Variants in CUL2 observed in about 807,000 individuals in gnomAD.
The protein encoded by CUL2 is cullin-2.
CUL2 carries 22 observed loss-of-function variants against 110.2 expected under a neutral mutation model. That is an observed-to-expected ratio of 0.20 (90% confidence interval 0.14 to 0.28). The LOEUF is 0.28. CUL2 is among the 10% of genes least tolerant of loss of function. The pLI is 1.00. For synonymous variants in CUL2, 279 were observed against 293.2 expected (o/e 0.95, Z 0.49); for missense variants, 631 against 905.5 (o/e 0.70, Z 3.89).
At chr10:35,023,569 A>G (rs1488077550) in intron 17 of CUL2, among the ~76,000 whole-genome samples, 2 of 151,750 alleles carry the variant, frequency 1.3e-5, no homozygotes, top group Non-Finnish European at 2.9e-5. Flanking sequence ...ATGTGCATAA[A>G]TTTATTTTCT....
At chr10:35,125,928 C>T (rs1398006987) in intron 1 of CUL2, among the ~76,000 whole-genome samples, 1 of 152,184 alleles carries the variant, frequency 6.6e-6, no homozygotes, top group Non-Finnish European at 1.5e-5. Flanking sequence ...CTCCCAGGTT[C>T]AAGCGATTCT....
intron 1 of CUL2, among the ~76,000 whole-genome samples, chr10:35,084,355 C>T (rs2087011595): frequency 6.6e-6 from 1 of 152,120 alleles, no homozygotes; most frequent in African/African-American, 2.4e-5. Flanking sequence ...AGGAAATATT[C>T]CACCTCTCCT....
chr10:35,087,151 A>AG (rs1378952895), intron 1 of CUL2, among the ~76,000 whole-genome samples: 1 of 152,226 alleles, frequency 6.6e-6, no homozygotes, highest in Non-Finnish European at 1.5e-5. Flanking sequence ...TGCCACTTCC[A>AG]ACCTGGTCAT....
chr10:35,037,856 A>G (rs2085663056), intron 9 of CUL2, among the ~76,000 whole-genome samples: 3 of 151,976 alleles, frequency 2.0e-5, no homozygotes, highest in Admixed American at 1.3e-4. Flanking sequence ...AAACAAAAAC[A>G]AAAAGCCTGA....
intron 6 of CUL2, among the ~76,000 whole-genome samples, chr10:35,046,914 AAAC>A (rs1484005898): frequency 6.6e-6 from 1 of 151,928 alleles, no homozygotes; most frequent in Non-Finnish European, 1.5e-5. Context: ...AAACAAAACA[AAAC>A]AAAACAAAAC....
In CUL2 at chr10:35,029,606, T is replaced by A. The variant is rs762137468; in HGVS notation, c.1421A>T (p.His474Leu). The change falls in exon 15 of 21, where the codon CAT (histidine) becomes CTT (leucine). Residue 474 changes from histidine to leucine, a missense_variant. His to Leu is a moderately conservative substitution (Grantham distance 99). Transcript: ENST00000374749. ...ACGYEFTSKL[H>L]RMYTDMSVSA... ...GACACTCATATCTGTATACATCCGA[T>A]GTAGCTTGCTGGTAAACTCATAACC... 1 of 1,592,114 alleles carries A rather than the reference T, an allele frequency of 6.3e-7. No individual in the cohort carries two copies. Among genetic ancestry groups the A allele is most frequent in the Non-Finnish European group, 8.5e-7 (1 of 1,173,796 alleles).
intron 4 of CUL2, 74 bp downstream of exon 4, chr10:35,060,800 A>T: frequency 4.2e-6 from 5 of 1,193,678 alleles, no homozygotes; most frequent in Non-Finnish European, 6.0e-6. Flanking sequence ...AATAGGCAAT[A>T]AAAAAATTAT....
chr10:35,115,922 T>C (rs942145192), intron 1 of CUL2, among the ~76,000 whole-genome samples: 3 of 151,740 alleles, frequency 2.0e-5, no homozygotes, highest in Admixed American at 2.0e-4. Context: ...TAAATAAATG[T>C]TGATTCTTTG....
intron 2 of CUL2, among the ~76,000 whole-genome samples, chr10:35,066,665 ACAAGGATAAAAAATGAC>A (rs1249810753): frequency 6.6e-6 from 1 of 152,272 alleles, no homozygotes; most frequent in Non-Finnish European, 1.5e-5. Context: ...GCATTAGCAA[ACAAGGATAAAAAATGAC>A]TAATTAAATC....
intron 1 of CUL2, chr10:35,101,069 G>A (rs1351467067): frequency 3.9e-5 from 6 of 152,186 alleles, no homozygotes; most frequent in African/African-American, 9.7e-5. Context: ...TCCTAGGAGT[G>A]AGAAAAGGGA....
intron 2 of CUL2, 92 bp downstream of exon 2, chr10:35,071,107 G>A: frequency 3.2e-6 from 4 of 1,248,472 alleles, no homozygotes; most frequent in Non-Finnish European, 3.4e-6. Context: ...ATAGTTACAT[G>A]GGAAAGTTCT....
intron 8 of CUL2, among the ~76,000 whole-genome samples, chr10:35,041,805 GCAATT>G (rs2085797233): frequency 6.6e-6 from 1 of 152,158 alleles, no homozygotes; most frequent in South Asian, 2.1e-4. Flanking sequence ...CCAAAGTGCT[GCAATT>G]ACAGGTCTGA....
chr10:35,045,630 G>A (rs1228315270), intron 6 of CUL2, among the ~76,000 whole-genome samples: 1 of 151,736 alleles, frequency 6.6e-6, no homozygotes, highest in Non-Finnish European at 1.5e-5. Context: ...TGGGAGGATC[G>A]TTTGAGCCCA....
At chr10:35,053,714 GGATTACACTACCTTA>G (rs2086172124) in intron 5 of CUL2, among the ~76,000 whole-genome samples, 1 of 152,150 alleles carries the variant, frequency 6.6e-6, no homozygotes, top group Non-Finnish European at 1.5e-5. Context: ...CTTTCGGAAA[GGATTACACTACCTTA>G]AATGTCTCCT....
intron 8 of CUL2, among the ~76,000 whole-genome samples, chr10:35,042,851 C>A (rs896229228): frequency 4.6e-5 from 7 of 152,106 alleles, no homozygotes; most frequent in African/African-American, 1.7e-4. Context: ...GAAAGCCAGT[C>A]GGTCAGTAGT....
In CUL2 at chr10:35,036,367, T is replaced by C. The variant is rs185578610; in HGVS notation, c.878-1071A>G. Reference sequence around the variant, plus strand: ...ACTGGACATTTGAGCTGTTCCAGTTTATGGAGCTATTACAAACACTACTAT... The same window carrying C: ...ACTGGACATTTGAGCTGTTCCAGTTCATGGAGCTATTACAAACACTACTAT... On this transcript the variant is annotated intron_variant, in intron 9 of 20. Transcript: ENST00000374749. Among the ~76,000 whole-genome samples, 60 of 152,366 alleles carry C rather than the reference T, an allele frequency of 3.9e-4. 1 individual carries two copies. Among genetic ancestry groups the C allele is most frequent in the African/African-American group, 1.2e-3 (50 of 41,586 alleles).
At chr10:35,016,061 C>G in intron 18 of CUL2, 131 bp downstream of exon 18, 1 of 716,608 alleles carries the variant, frequency 1.4e-6, no homozygotes, top group Non-Finnish European at 2.3e-6. Context: ...ATGGAGCGTA[C>G]AGTAACGTAG....
chr10:35,096,910 A>G (rs998692682), intron 2 of CUL2, among the ~76,000 whole-genome samples: 1 of 151,760 alleles, frequency 6.6e-6, no homozygotes, highest in Non-Finnish European at 1.5e-5. Flanking sequence ...CCTGGCTTCA[A>G]GTGATTCTCC....
At chr10:35,108,739 C>A (rs1197633371) in intron 1 of CUL2, among the ~76,000 whole-genome samples, 2 of 152,128 alleles carry the variant, frequency 1.3e-5, no homozygotes, top group Non-Finnish European at 2.9e-5. Context: ...CTACAGCCAT[C>A]TGAAGGCTTG....
Sources: allele counts gnomAD v4.1 joint callset (sites outside exome capture counted in the v4.1 genomes callset), GRCh38; gene constraint gnomAD v4.1.1; transcripts MANE v1.5; gene names NCBI Gene and HGNC (gene_info 2026-07-23, HGNC 2026-07-21).